CYTH1: variants seen among roughly 807,000 people sequenced by gnomAD.
The protein encoded by CYTH1 is cytohesin 1.
A neutral mutation model predicts 61.8 loss-of-function variants in CYTH1; 18 were observed. The observed-to-expected ratio is 0.29, with a 90% CI of 0.20 to 0.43. The LOEUF (loss-of-function observed/expected upper bound fraction) is 0.43, where lower values mean the gene tolerates loss of function less well. Among genes scored for constraint, CYTH1 ranks in the 20% least tolerant of loss-of-function variants. The pLI, the probability that CYTH1 is intolerant of heterozygous loss-of-function variation, is 1.00. For synonymous variants in CYTH1, 174 were observed against 184.3 expected, an observed-to-expected ratio of 0.94 and a Z score of 0.45; for missense variants, 336 against 510.5, an observed-to-expected ratio of 0.66 and a Z score of 3.29.
intron 5 of CYTH1, 42 bp downstream of exon 5, chr17:78,702,080 G>C: frequency 6.7e-7 from 1 of 1,482,962 alleles, no homozygotes; most frequent in Non-Finnish European, 9.4e-7. Context: ...TGTCGTTCCT[G>C]AACAGCCTTC....
intron 1 of CYTH1, among the ~76,000 whole-genome samples, chr17:78,712,673 A>ATAC (rs2093146534): frequency 6.6e-6 from 1 of 151,832 alleles, no homozygotes; most frequent in Admixed American, 6.6e-5. Context: ...AATAATAATA[A>ATAC]TAATATAAAA....
chr17:78,780,735 G>A (rs1471154631), intron 1 of CYTH1, among the ~76,000 whole-genome samples: 6 of 151,798 alleles, frequency 4.0e-5, no homozygotes, highest in African/African-American at 9.7e-5. Context: ...GGCTGGGCGC[G>A]GTGGCTCATG....
intron 1 of CYTH1, among the ~76,000 whole-genome samples, chr17:78,775,397 C>T (rs571380554): frequency 2.6e-5 from 4 of 152,274 alleles, no homozygotes; most frequent in Admixed American, 6.5e-5. Context: ...ACAGCAGATA[C>T]GTTTTTATGC....
chr17:78,680,398 G>A (rs2144007855), intron 12 of CYTH1, 54 bp from the exon 13 acceptor site: 1 of 1,536,830 alleles, frequency 6.5e-7, no homozygotes, highest in Non-Finnish European at 8.8e-7. Context: ...TGTTAACTGA[G>A]AAACATGCTG....
chr17:78,770,936 T>G (rs542900189), intron 1 of CYTH1, among the ~76,000 whole-genome samples: 1 of 152,148 alleles, frequency 6.6e-6, no homozygotes, highest in East Asian at 1.9e-4. Flanking sequence ...AAGACCAGCA[T>G]GGCCAACATG....
chr17:78,683,327 C>T (rs1325484721), intron 11 of CYTH1, among the ~76,000 whole-genome samples: 1 of 152,126 alleles, frequency 6.6e-6, no homozygotes, highest in East Asian at 1.9e-4. Context: ...TGCTCTCAGC[C>T]GGCAGGAATT....
intron 5 of CYTH1, 77 bp from the exon 6 acceptor site, chr17:78,701,828 T>A (rs748211179): frequency 1.4e-6 from 2 of 1,418,302 alleles, no homozygotes; most frequent in Non-Finnish European, 2.0e-6. Flanking sequence ...CCAGGCCATG[T>A]CTCCTACACT....
intron 1 of CYTH1, among the ~76,000 whole-genome samples, chr17:78,761,012 T>G (rs1247526017): frequency 6.6e-6 from 1 of 152,114 alleles, no homozygotes; most frequent in Non-Finnish European, 1.5e-5. Context: ...ATTTTTGTAT[T>G]TTTTGTAGAG....
chr17:78,716,244 A>G (rs2144495301), intron 1 of CYTH1, among the ~76,000 whole-genome samples: 1 of 152,316 alleles, frequency 6.6e-6, no homozygotes, highest in South Asian at 2.1e-4. Flanking sequence ...AAGTGAATTA[A>G]TAGTGGCTGC....
At chr17:78,712,184 GGAGA>G (rs764102716) in intron 1 of CYTH1, among the ~76,000 whole-genome samples, 7 of 146,458 alleles carry the variant, frequency 4.8e-5, no homozygotes, top group Non-Finnish European at 9.1e-5. Context: ...GAGGGAGGTA[GGAGA>G]GAGAGAAAGA....
chr17:78,711,346 T>C (rs1370787238), intron 1 of CYTH1, among the ~76,000 whole-genome samples: 1 of 151,170 alleles, frequency 6.6e-6, no homozygotes, highest in African/African-American at 2.4e-5. Flanking sequence ...CACCAGACTT[T>C]CTATAAAAAC....
intron 1 of CYTH1, among the ~76,000 whole-genome samples, chr17:78,777,061 G>A (rs1239994359): frequency 6.6e-6 from 1 of 151,288 alleles, no homozygotes; most frequent in African/African-American, 2.4e-5. Flanking sequence ...GGAGGCGGAG[G>A]TTGCGGTGAG....
Position 78,696,214 on chromosome 17 carries a change from G to A in CYTH1, c.812-205C>T, listed in dbSNP as rs142157233. Among the ~76,000 whole-genome samples the A allele has an allele frequency of 1.1e-3, 163 of 152,306 alleles. 1 individual carries two copies. Among genetic ancestry groups the A allele is most frequent in the African/African-American group, 3.8e-3 (158 of 41,558 alleles). On this transcript the variant is annotated intron_variant, in intron 9 of 13. Transcript: ENST00000446868. ...TCCCACTACTGTCTGGCACGTGAAC[G>A]AGGGGCTCTTACATGCCACGTTCCA...
intron 1 of CYTH1, chr17:78,727,962 T>G: frequency 3.5e-6 from 1 of 289,226 alleles, no homozygotes; most frequent in Non-Finnish European, 7.1e-6. Flanking sequence ...GCTGAAGAGG[T>G]GCTGACCCAT....
chr17:78,705,114 G>A (rs2093052087), intron 3 of CYTH1, among the ~76,000 whole-genome samples: 1 of 152,160 alleles, frequency 6.6e-6, no homozygotes, highest in Non-Finnish European at 1.5e-5. Flanking sequence ...TGTAAGTGGT[G>A]AGGCAGCGTC....
intron 3 of CYTH1, among the ~76,000 whole-genome samples, chr17:78,705,572 C>T (rs1246643882): frequency 6.6e-6 from 1 of 152,080 alleles, no homozygotes; most frequent in Admixed American, 6.5e-5. Flanking sequence ...CAAAATGCAT[C>T]AGATCGTCGA....
chr17:78,729,767 G>T (rs1390362186), intron 1 of CYTH1, among the ~76,000 whole-genome samples: 1 of 152,198 alleles, frequency 6.6e-6, no homozygotes, highest in Non-Finnish European at 1.5e-5. Context: ...GACACATCTG[G>T]TGAAACAGGA....
At chr17:78,707,244 G>C (rs2093077052) in intron 3 of CYTH1, among the ~76,000 whole-genome samples, 1 of 152,176 alleles carries the variant, frequency 6.6e-6, no homozygotes, top group Admixed American at 6.5e-5. Context: ...GTCCTACGAA[G>C]CCAGACAGGA....
chr17:78,774,401 T>C (rs562049485), intron 1 of CYTH1, among the ~76,000 whole-genome samples: 25 of 152,292 alleles, frequency 1.6e-4, no homozygotes, highest in African/African-American at 5.3e-4. Context: ...ATCCATATCA[T>C]AGAAAAACAA....
Sources: allele counts gnomAD v4.1 joint callset (sites outside exome capture counted in the v4.1 genomes callset), GRCh38; gene constraint gnomAD v4.1.1; transcripts MANE v1.5; gene names NCBI Gene and HGNC (gene_info 2026-07-23, HGNC 2026-07-21).